FANCD2: variants seen among roughly 807,000 people sequenced by gnomAD.
FANCD2 encodes the protein FA complementation group D2, also known as Fanconi anemia group D2 protein.
FANCD2 carries 131 observed loss-of-function variants against 192.3 expected under a neutral mutation model. The ratio of observed to expected loss-of-function variants is 0.68; its 90% CI spans 0.59 to 0.79. The LOEUF (loss-of-function observed/expected upper bound fraction) is 0.79. Ranked by LOEUF, FANCD2 falls within the 30% of genes least tolerant of loss-of-function variation. The pLI, the probability that FANCD2 is intolerant of heterozygous loss-of-function variation, is 0.00. For synonymous variants in FANCD2, 524 were observed against 612.5 expected (o/e 0.86, Z 2.13); for missense variants, 1,508 against 1,701.6 (o/e 0.89, Z 2.00).
chr3:10,049,749 A>G (rs1206733106), intron 17 of FANCD2, among the ~76,000 whole-genome samples: 1 of 152,226 alleles, frequency 6.6e-6, no homozygotes, highest in African/African-American at 2.4e-5. Context: ...GCAAGTCACT[A>G]TAAATACAAC....
intron 6 of FANCD2, among the ~76,000 whole-genome samples, chr3:10,035,854 T>C (rs2086714781): frequency 6.6e-6 from 1 of 152,270 alleles, no homozygotes; most frequent in Admixed American, 6.5e-5. Flanking sequence ...TTTTAAAGTT[T>C]GCATTTTGTG....
At position 10,036,163 on chromosome 3, in the gene FANCD2, T is replaced by C. The variant is rs2086726945; in HGVS notation, c.439-124T>C. 3 of 662,502 alleles carry C rather than the reference T, an allele frequency of 4.5e-6. No homozygotes were observed. In the African/African-American group the frequency reaches 5.7e-5, roughly 13 times the overall value. The allele number at this position is 662,502 out of a possible 1,614,324, so 41.0% of individuals were successfully genotyped here. A position where few individuals can be genotyped will look rare whatever the true frequency, so the allele number is the denominator to read the frequency against. ...GTGGAGTGGTGCAATCTCGGCTCACTGCAATCTCTGCCTTCCCCAGGTCCA... is the reference window on the plus strand; with the variant it reads ...GTGGAGTGGTGCAATCTCGGCTCACCGCAATCTCTGCCTTCCCCAGGTCCA... On this transcript the variant is annotated intron_variant, in intron 6 of 43. Coordinates refer to ENST00000675286, the MANE Select transcript of FANCD2 (RefSeq NM_001018115.3).
intron 32 of FANCD2, among the ~76,000 whole-genome samples, chr3:10,083,072 C>A (rs966621549): frequency 9.2e-5 from 14 of 152,006 alleles, no homozygotes; most frequent in African/African-American, 3.1e-4. Flanking sequence ...ATAAAAAATA[C>A]AAAAATTATC....
intron 11 of FANCD2, among the ~76,000 whole-genome samples, 160 bp from the exon 12 acceptor site, chr3:10,042,890 C>G (rs554040601): frequency 6.6e-6 from 1 of 152,322 alleles, no homozygotes; most frequent in East Asian, 1.9e-4. Flanking sequence ...TGTTCTATGA[C>G]ATTGCATTGG....
At chr3:10,040,162 G>C in intron 9 of FANCD2, 1 of 383,846 alleles carries the variant, frequency 2.6e-6, no homozygotes, top group Non-Finnish European at 4.8e-6. Context: ...AGCCTCCCAA[G>C]TAGCTGGGAC....
At chr3:10,070,039 A>G (rs1490529186) in intron 26 of FANCD2, among the ~76,000 whole-genome samples, 2 of 118,980 alleles carry the variant, frequency 1.7e-5, no homozygotes, top group African/African-American at 3.3e-5. Context: ...CCGGCCACCC[A>G]TCGTCTGAGA....
chr3:10,081,496 G>T lies in FANCD2; in HGVS notation c.3224+32G>T, dbSNP rs765934352. The T allele has an allele frequency of 2.9e-6, 4 of 1,401,770 alleles. No homozygotes were observed. In the East Asian group the frequency reaches 6.8e-5, roughly 24 times the overall value. 86.8% of individuals were successfully genotyped at this position (1,401,770 alleles called of 1,614,324 possible). On this transcript the variant is annotated intron_variant, in intron 32 of 43. Transcript: ENST00000675286. ...ATGTGGGAAGTGTGGAGAGAACTGA[G>T]TATATACTTGCTTTTATTTGACAGT...
Position 10,067,309 on chromosome 3 carries a change from A to G in FANCD2, c.2486A>G (p.Tyr829Cys), listed in dbSNP as rs1453394758. The G allele has an allele frequency of 6.2e-7, 1 of 1,605,342 alleles. No homozygotes were observed. Among genetic ancestry groups the G allele is most frequent in the Non-Finnish European group, 8.5e-7 (1 of 1,172,344 alleles). ...GAATTGCAAATAATCCTGGAAAAGTACTTGGCAGGTAAGAGAAGTGTCCTA... is the reference window on the plus strand; with the variant it reads ...GAATTGCAAATAATCCTGGAAAAGTGCTTGGCAGGTAAGAGAAGTGTCCTA... ...IVELQIILEK[Y>C]LAVTPDYVPP... is the part of the protein sequence containing the mutation. Residue 829 changes from tyrosine to cysteine, a missense_variant, in exon 26 of 44, where the codon TAC becomes TGC. Tyr to Cys is a radical substitution (Grantham distance 194). Transcript: ENST00000675286.
chr3:10,045,620 G>C (rs969201765), intron 14 of FANCD2: 2 of 42,406 alleles, frequency 4.7e-5, no homozygotes, highest in Non-Finnish European at 9.2e-5. Flanking sequence ...TTTTTTTTTT[G>C]AGACAAAGTC....
intron 18 of FANCD2, among the ~76,000 whole-genome samples, chr3:10,054,574 C>G (rs1229463207): frequency 1.4e-5 from 2 of 143,184 alleles, no homozygotes; most frequent in Non-Finnish European, 3.0e-5. Flanking sequence ...AACTCCGCCT[C>G]CCAGGTTCCC....
intron 43 of FANCD2, chr3:10,099,370 C>A (rs1695167666): frequency 2.2e-5 from 25 of 1,151,246 alleles, no homozygotes; most frequent in Non-Finnish European, 2.7e-5. Flanking sequence ...TGCTTGTAAT[C>A]CTAGCACTTT....
chr3:10,074,944 A>G (rs571869727), intron 29 of FANCD2, among the ~76,000 whole-genome samples: 4 of 152,118 alleles, frequency 2.6e-5, no homozygotes, highest in Non-Finnish European at 5.9e-5. Flanking sequence ...CTAATAAGCT[A>G]CCTAGATTAT....
At chr3:10,076,376 G>C (rs1693542013) in intron 29 of FANCD2, among the ~76,000 whole-genome samples, 1 of 151,678 alleles carries the variant, frequency 6.6e-6, no homozygotes, top group Non-Finnish European at 1.5e-5. Context: ...TCCACAACTA[G>C]AAAGGTATAC....
rs77246387 is a variant in FANCD2, at chr3:10,067,214, A to G, written c.2391A>G (p.Val797=). ...ATGTAATTTGTACTTTGCAGATTGT[A>G]AATGCCTTCTGCCAGGAAACATCAC... is the stretch of plus-strand genomic sequence containing the variant. ...FLTLNWFREI[V]NAFCQETSPE... is the part of the protein sequence containing the mutation. Residue 797 remains valine, a synonymous_variant, in exon 26 of 44, where the codon GTA becomes GTG. Coordinates refer to ENST00000675286, the MANE Select transcript of FANCD2 (RefSeq NM_001018115.3). The G allele has an allele frequency of 6.2e-7, 1 of 1,605,742 alleles. No homozygotes were observed. Among genetic ancestry groups the G allele is most frequent in the Non-Finnish European group, 8.5e-7 (1 of 1,172,576 alleles).
intron 42 of FANCD2, among the ~76,000 whole-genome samples, chr3:10,097,031 C>T (rs1017759198): frequency 1.3e-5 from 2 of 152,066 alleles, no homozygotes; most frequent in South Asian, 2.1e-4. Flanking sequence ...TGATAGGATC[C>T]GTGATGCCCC....
chr3:10,081,635 C>A, intron 32 of FANCD2, 171 bp downstream of exon 32: 1 of 683,328 alleles, frequency 1.5e-6, no homozygotes, highest in African/African-American at 1.8e-5. Flanking sequence ...TGATCTTGTA[C>A]CCTCTGAGTC....
rs565351425 is a variant in FANCD2 at position 10,092,684 on chromosome 3, CTTTTT to C, written c.3849+454_3849+458del. Among the ~76,000 whole-genome samples the C allele has an allele frequency of 1.6e-3, 118 of 72,050 alleles. 2 individuals carry two copies. Among genetic ancestry groups the C allele is most frequent in the South Asian group, 0.01 (20 of 1,994 alleles). 47.3% of individuals were successfully genotyped at this position (72,050 alleles called of 152,430 possible). On this transcript the variant is annotated intron_variant, in intron 38 of 43. Coordinates refer to ENST00000675286, the MANE Select transcript of FANCD2 (RefSeq NM_001018115.3). Reference sequence around the variant, plus strand: ...CCTTGTCTCTCCACCTCTTTCATGTCTTTTTTTTTTTTTTTTTTTTTTTTTTGAGG... The same window carrying C: ...CCTTGTCTCTCCACCTCTTTCATGTCTTTTTTTTTTTTTTTTTTTTTGAGG...
chr3:10,054,329 C>A (rs1326687153), intron 18 of FANCD2, among the ~76,000 whole-genome samples: 1 of 138,440 alleles, frequency 7.2e-6, no homozygotes, highest in African/African-American at 2.8e-5. Flanking sequence ...TGACTTTGAA[C>A]AACCAGCATA....
intron 9 of FANCD2, chr3:10,040,761 T>C (rs1010317827): frequency 2.9e-6 from 1 of 339,768 alleles, no homozygotes; most frequent in African/African-American, 2.2e-5. Context: ...TCTGCAAAGC[T>C]ACCTCCAAAA....
Sources: gnomAD v4.1 joint callset for allele counts (sites outside exome capture counted in the v4.1 genomes callset) on GRCh38, gnomAD v4.1.1 for gene constraint, MANE v1.5 for transcripts, NCBI Gene and HGNC (gene_info 2026-07-23, HGNC 2026-07-21) for gene names.